Variants in GLUL observed in about 807,000 individuals in gnomAD.
GLUL encodes glutamine synthetase.
Under a neutral mutation model 36.9 loss-of-function variants are expected in GLUL, and 8 were observed. That is an observed-to-expected ratio of 0.22 (90% CI 0.13 to 0.39). GLUL has a LOEUF of 0.39. GLUL is among the 10% of genes least tolerant of loss of function. GLUL has a pLI of 1.00. For synonymous variants in GLUL, 182 were observed against 172.8 expected, an observed-to-expected ratio of 1.05 and a Z score of -0.42; for missense variants, 315 against 501.8, an observed-to-expected ratio of 0.63 and a Z score of 3.56.
chr1:182,389,477 A>G (rs1650318635), intron 1 of GLUL: 1 of 152,746 alleles, frequency 6.5e-6, no homozygotes, highest in Non-Finnish European at 1.5e-5. Context: ...ATGCTGCCAT[A>G]ATTTCCATAG....
chr1:182,388,497 G>A (rs1313788672), intron 2 of GLUL, 75 bp downstream of exon 2: 3 of 1,283,472 alleles, frequency 2.3e-6, no homozygotes, highest in African/African-American at 2.9e-5. Context: ...TAATCCAGAG[G>A]CTGAGTCAAA....
In GLUL at chr1:182,380,255, CATA is replaced by C. The variant is rs1237278452; in HGVS notation, c.*4147_*4149del. Among the ~76,000 whole-genome samples the C allele has an allele frequency of 6.6e-6, 1 of 152,154 alleles. No homozygotes were observed. The highest frequency in any genetic ancestry group is 2.4e-5 in the African/African-American group (1 of 41,416). ...ACTCCCACGAAGTTTTTAGTGCTGCCATAATGTTTGTAGTAAAAAGAATCAACA... is the reference window on the plus strand; with the variant it reads ...ACTCCCACGAAGTTTTTAGTGCTGCCATGTTTGTAGTAAAAAGAATCAACA... On this transcript the variant is annotated 3_prime_UTR_variant, in exon 7 of 7. Coordinates refer to ENST00000331872, the MANE Select transcript of GLUL (RefSeq NM_001033044.4).
chr1:182,385,647 C>A (rs1005018619), intron 5 of GLUL, 91 bp from the exon 6 acceptor site: 2 of 1,551,964 alleles, frequency 1.3e-6, no homozygotes, highest in Non-Finnish European at 1.8e-6. Flanking sequence ...ACCTGTACTC[C>A]AACCCGTTCT....
intron 3 of GLUL, chr1:182,386,793 G>A (rs1343672964): frequency 4.4e-6 from 2 of 458,526 alleles, no homozygotes. Context: ...CAGGCACTTG[G>A]AGCCATTCTA....
At position 182,391,778 on chromosome 1, in the gene GLUL, C is replaced by T. The variant is rs1291107434; in HGVS notation, c.-113G>A. ...CTGCTCACACGCTCCGCTCTTCTCC[C>T]ACTCTCGACTCTGCAGAGCCGCCAG... On this transcript the variant is annotated 5_prime_UTR_variant, in exon 1 of 7. Coordinates refer to ENST00000331872, the MANE Select transcript of GLUL (RefSeq NM_001033044.4). 2 of 152,342 alleles carry T rather than the reference C, an allele frequency of 1.3e-5. No individual in the cohort carries two copies. Among genetic ancestry groups the T allele is most frequent in the African/African-American group, 2.4e-5 (1 of 41,464 alleles). The allele number at this position is 152,342 out of a possible 1,614,324, so 9.4% of individuals were successfully genotyped here. A position where few individuals can be genotyped will look rare whatever the true frequency, so the allele number is the denominator to read the frequency against.
At position 182,382,636 on chromosome 1, in the gene GLUL, T is replaced by C. The variant is rs1236607122; in HGVS notation, c.*1769A>G. 2.6e-5 allele frequency: 4 copies of C among 151,038 alleles called. No homozygotes were observed. Among genetic ancestry groups the C allele is most frequent in the South Asian group, 2.1e-4 (1 of 4,762 alleles). 9.4% of individuals were successfully genotyped at this position (151,038 alleles called of 1,614,324 possible). On this transcript the variant is annotated 3_prime_UTR_variant, in exon 7 of 7. Coordinates refer to ENST00000331872, the MANE Select transcript of GLUL (RefSeq NM_001033044.4). ...AGGGGAGCAAAGGAAGGGGGAGGAG[T>C]GGGGCTTGTACCCTGCTACAAACCT...
At position 182,378,532 on chromosome 1, in the gene GLUL, A is replaced by G. The variant is rs6684297; in HGVS notation, c.*5873T>C. ...CTTTAAGAACAATTATACCTTCTAC[A>G]TCTTACCACTCCCCATTCCTAGTGA... On this transcript the variant is annotated 3_prime_UTR_variant, in exon 7 of 7. Coordinates refer to ENST00000331872, the MANE Select transcript of GLUL (RefSeq NM_001033044.4). Among the ~76,000 whole-genome samples, 89,575 of 151,986 alleles carry G rather than the reference A, an allele frequency of 0.59. 27,284 individuals carry two copies. Among genetic ancestry groups the G allele is most frequent in the East Asian group, 0.83 (4,309 of 5,172 alleles).
chr1:182,385,121 TTA>T, intron 6 of GLUL: 2 of 414,394 alleles, frequency 4.8e-6, no homozygotes, highest in Non-Finnish European at 8.7e-6. Flanking sequence ...TAACAAATAT[TTA>T]TCACTGTGAA....
At chr1:182,388,830 T>G in intron 1 of GLUL, 80 bp from the exon 2 acceptor site, 1 of 1,094,320 alleles carries the variant, frequency 9.1e-7, no homozygotes, top group Non-Finnish European at 1.4e-6. Flanking sequence ...GAAGGACGAC[T>G]GAATCAAAAG....
rs1015327461 is a variant in GLUL, at chr1:182,379,818, G to A, written c.*4587C>T. 2.7e-5 allele frequency among the ~76,000 whole-genome samples: 4 copies of A among 149,652 alleles called. No individual in the cohort carries two copies. The highest frequency in any genetic ancestry group is 2.1e-4 in the South Asian group (1 of 4,736). ...TTCAAAGTGCTGGGATTACAGGTAT[G>A]AGCCACCATGCCCAGCCTCAGTTAC... On this transcript the variant is annotated 3_prime_UTR_variant, in exon 7 of 7. Coordinates refer to ENST00000331872, the MANE Select transcript of GLUL (RefSeq NM_001033044.4).
rs1649816762 is a variant in GLUL, at chr1:182,378,670, G to C, written c.*5735C>G. On this transcript the variant is annotated 3_prime_UTR_variant, in exon 7 of 7. Coordinates refer to ENST00000331872, the MANE Select transcript of GLUL (RefSeq NM_001033044.4). ...CTTGGGCAAAAGACATATGTATTGT[G>C]CTTGTATTGTGTATCTAATGTGTAC... Among the ~76,000 whole-genome samples the C allele has an allele frequency of 6.6e-6, 1 of 152,148 alleles. No individual in the cohort carries two copies. Among genetic ancestry groups the C allele is most frequent in the Non-Finnish European group, 1.5e-5 (1 of 68,042 alleles).
At position 182,388,644 on chromosome 1, in the gene GLUL, A is replaced by T; in HGVS notation, c.94T>A (p.Trp32Arg). 1 of 1,613,738 alleles carries T rather than the reference A, an allele frequency of 6.2e-7. No individual in the cohort carries two copies. The highest frequency in any genetic ancestry group is 8.5e-7 in the Non-Finnish European group (1 of 1,179,670). ...QGEKVQAMYI[W>R]IDGTGEGLRC... is the part of the protein sequence containing the mutation. ...AGTCCTTCTCCAGTACCATCGATCCAGATATACATGGCCTGGACTTTCTCA... is the reference window on the plus strand; with the variant it reads ...AGTCCTTCTCCAGTACCATCGATCCTGATATACATGGCCTGGACTTTCTCA... Residue 32 changes from tryptophan (W) to arginine (R), a missense_variant, in exon 2 of 7, where the codon TGG (tryptophan) becomes AGG (arginine). Physicochemically the swap from Trp to Arg is moderately radical, Grantham distance 101 (BLOSUM62 -3). Coordinates refer to ENST00000331872, the MANE Select transcript of GLUL (RefSeq NM_001033044.4).
In GLUL at chr1:182,383,269, G is replaced by C. The variant is rs1354731568; in HGVS notation, c.*1136C>G. 1 of 152,086 alleles carries C rather than the reference G, an allele frequency of 6.6e-6. No individual in the cohort carries two copies. The highest frequency in any genetic ancestry group is 1.5e-5 in the Non-Finnish European group (1 of 68,008). The allele number at this position is 152,086 out of a possible 1,614,324, so 9.4% of individuals were successfully genotyped here. On this transcript the variant is annotated 3_prime_UTR_variant, in exon 7 of 7. Transcript: ENST00000331872. ...AATTACCTAGAAACCCTACAAATTT[G>C]ATTAAAATCTAAACTTCTATAATTT...
chr1:182,384,888 TAC>T lies in GLUL; in HGVS notation c.804-167_804-166del, dbSNP rs1650105035. The T allele has an allele frequency of 6.1e-6, 4 of 661,020 alleles. No individual in the cohort carries two copies. The South Asian group carries it at 6.6e-5, about 11-fold the overall frequency. The allele number at this position is 661,020 out of a possible 1,614,324, so 40.9% of individuals were successfully genotyped here. A position where few individuals can be genotyped will look rare whatever the true frequency, so the allele number is the denominator to read the frequency against. On this transcript the variant is annotated intron_variant, in intron 6 of 6. Coordinates refer to ENST00000331872, the MANE Select transcript of GLUL (RefSeq NM_001033044.4). ...GGTGAGAACAGTGCCCGACAAGCAGTACAAAGTTACTGTTTGTTGAAAAGACT... is the reference window on the plus strand; with the variant it reads ...GGTGAGAACAGTGCCCGACAAGCAGTAAAGTTACTGTTTGTTGAAAAGACT...
In GLUL at chr1:182,383,846, G is replaced by A. The variant is rs1650043808; in HGVS notation, c.*559C>T. 6.1e-6 allele frequency: 1 copy of A among 165,030 alleles called. No homozygotes were observed. The highest frequency in any genetic ancestry group is 5.6e-5 in the Admixed American group (1 of 17,952). 10.2% of individuals were successfully genotyped at this position (165,030 alleles called of 1,614,324 possible). Reference sequence around the variant, plus strand: ...TCCATCAGTTTATACTAAGCTTCGTGTTCAGAGCAGGGCATTTAGTCCCAA... The same window carrying A: ...TCCATCAGTTTATACTAAGCTTCGTATTCAGAGCAGGGCATTTAGTCCCAA... On this transcript the variant is annotated 3_prime_UTR_variant, in exon 7 of 7. Transcript: ENST00000331872.
rs1650226142 is a variant in GLUL, at chr1:182,387,306, A to G, written c.167-14T>C. The G allele has an allele frequency of 6.2e-7, 1 of 1,604,128 alleles. No individual in the cohort carries two copies. The highest frequency in any genetic ancestry group is 8.5e-7 in the Non-Finnish European group (1 of 1,171,024). Reference sequence around the variant, plus strand: ...ACTCAGGCAACTCTGGGGCAAAAAGAGGGAAAATTACATTTAAAACATACA... The same window carrying G: ...ACTCAGGCAACTCTGGGGCAAAAAGGGGGAAAATTACATTTAAAACATACA... On this transcript the variant is annotated splice_polypyrimidine_tract_variant and intron_variant, in intron 2 of 6. Transcript: ENST00000331872.
At position 182,384,229 on chromosome 1, in the gene GLUL, CTT is replaced by C; in HGVS notation, c.*174_*175del. 1.6e-6 allele frequency: 1 copy of C among 641,726 alleles called. No individual in the cohort carries two copies. The allele number at this position is 641,726 out of a possible 1,614,324, so 39.8% of individuals were successfully genotyped here. ...AGGGTAGGTGTGAAGAAATTAATAA[CTT>C]GACCCCTCTATCCCAGCCAAACAAA... On this transcript the variant is annotated 3_prime_UTR_variant, in exon 7 of 7. Coordinates refer to ENST00000331872, the MANE Select transcript of GLUL (RefSeq NM_001033044.4).
At chr1:182,391,149 G>A in intron 1 of GLUL, 1 of 398,576 alleles carries the variant, frequency 2.5e-6, no homozygotes, top group Non-Finnish European at 4.4e-6. Flanking sequence ...CCCGAGGCGG[G>A]AGCCGGCCGC....
intron 1 of GLUL, chr1:182,390,170 C>A (rs867879245): frequency 5.4e-6 from 1 of 183,502 alleles, no homozygotes; most frequent in Middle Eastern, 2.0e-3. Context: ...TTGCAGTGAG[C>A]CGGGAGATTG....
Sources: gnomAD v4.1 joint callset for allele counts (sites outside exome capture counted in the v4.1 genomes callset) on GRCh38, gnomAD v4.1.1 for gene constraint, MANE v1.5 for transcripts, NCBI Gene and HGNC (gene_info 2026-07-23, HGNC 2026-07-21) for gene names.